The following FYCO1 variants were observed in gnomAD, a reference collection of about 807,000 sequenced individuals.
The protein encoded by FYCO1 is FYVE and coiled-coil domain autophagy adaptor 1.
In FYCO1, 122 loss-of-function variants were observed where a neutral mutation model predicts 165.1. That is an observed-to-expected ratio of 0.74 (90% CI 0.64 to 0.86). The LOEUF (loss-of-function observed/expected upper bound fraction) is 0.86, where lower values mean the gene tolerates loss of function less well. Ranked by LOEUF, FYCO1 falls within the 40% of genes least tolerant of loss-of-function variation. The probability of loss-of-function intolerance (pLI) is 0.00; values close to 1 mark genes in which losing one functional copy is unlikely to be tolerated. For missense variants in FYCO1, 1,702 were observed against 1,810.3 expected (o/e 0.94, Z 1.09); for synonymous variants, 648 against 742.5 (o/e 0.87, Z 2.07).
intron 13 of FYCO1, among the ~76,000 whole-genome samples, chr3:45,957,289 G>A (rs1317330077): frequency 1.3e-5 from 2 of 152,230 alleles, no homozygotes; most frequent in African/African-American, 2.4e-5. Flanking sequence ...AGCTAAAGCT[G>A]TAAAACTTCT....
intron 1 of FYCO1, among the ~76,000 whole-genome samples, chr3:45,987,063 T>C (rs981775630): frequency 2.6e-5 from 4 of 152,180 alleles, no homozygotes; most frequent in African/African-American, 7.2e-5. Flanking sequence ...TGAGAAGATA[T>C]GAACTATGGG....
intron 14 of FYCO1, among the ~76,000 whole-genome samples, chr3:45,943,699 T>C (rs1704386818): frequency 6.6e-6 from 1 of 152,168 alleles, no homozygotes; most frequent in Non-Finnish European, 1.5e-5. Flanking sequence ...TCACTGCCAT[T>C]TGCTGCTGTG....
chr3:45,980,695 C>T (rs777415028), intron 3 of FYCO1, among the ~76,000 whole-genome samples: 5 of 152,152 alleles, frequency 3.3e-5, no homozygotes, highest in Admixed American at 6.5e-5. Context: ...TGGGATGTGA[C>T]GTTGCAAAAT....
intron 3 of FYCO1, among the ~76,000 whole-genome samples, chr3:45,981,190 C>G (rs1332183551): frequency 6.6e-6 from 1 of 152,260 alleles, no homozygotes; most frequent in Non-Finnish European, 1.5e-5. Context: ...TGCAAAAATG[C>G]GTGATTGTGT....
chr3:45,960,418 G>A (rs1575362256), intron 11 of FYCO1, among the ~76,000 whole-genome samples: 1 of 152,134 alleles, frequency 6.6e-6, no homozygotes, highest in Non-Finnish European at 1.5e-5. Context: ...GCTTGAACAT[G>A]GGCTTGGCTG....
chr3:45,943,815 C>T (rs541035859), intron 14 of FYCO1, among the ~76,000 whole-genome samples: 1 of 152,282 alleles, frequency 6.6e-6, no homozygotes, highest in East Asian at 1.9e-4. Context: ...CAGACCCACC[C>T]AGGGAGATAA....
Position 45,967,304 on chromosome 3 carries a change from A to G in FYCO1, c.2030T>C (p.Met677Thr). 4 of 1,613,668 alleles carry G rather than the reference A, an allele frequency of 2.5e-6. No homozygotes were observed. Among genetic ancestry groups the G allele is most frequent in the Non-Finnish European group, 3.4e-6 (4 of 1,179,866 alleles). ...QASIRHLGDQ[M>T]EASLLAVRKA... ...CCTTACAGCCAGCAAGCTCGCCTCC[A>G]TCTGGTCACCCAAGTGCCGGATGCT... The change falls in exon 8 of 18, where the codon ATG becomes ACG. Residue 677 changes from methionine (M) to threonine (T), a missense_variant. By Grantham distance (81) the Met-to-Thr change is moderately conservative. Transcript: ENST00000296137.
rs757978941 is a variant in FYCO1, at chr3:45,968,729, G to A, written c.631-26C>T. 5.0e-6 allele frequency: 8 copies of A among 1,613,984 alleles called. No homozygotes were observed. The Admixed American group carries it at 5.0e-5, about 10-fold the overall frequency. On this transcript the variant is annotated intron_variant, in intron 7 of 17. Coordinates refer to ENST00000296137, the MANE Select transcript of FYCO1 (RefSeq NM_024513.4). Reference sequence around the variant, plus strand: ...CTGGGAGGGAAAACACAAAAGACAAGTGGCTTTAGGATGAAGCTACAGGGC... The same window carrying A: ...CTGGGAGGGAAAACACAAAAGACAAATGGCTTTAGGATGAAGCTACAGGGC...
At position 45,928,170 on chromosome 3, in the gene FYCO1, TG is replaced by T. The variant is rs1422627166; in HGVS notation, c.4251+2900del. Among the ~76,000 whole-genome samples the T allele has an allele frequency of 6.6e-5, 10 of 152,332 alleles. No individual in the cohort carries two copies. In the East Asian group the frequency reaches 1.7e-3, roughly 26 times the overall value. On this transcript the variant is annotated intron_variant, in intron 16 of 17. Transcript: ENST00000296137. ...AGAATCTAAAATTAGACAGTGGTAA[TG>T]GTGGTACAACTCTGTGAATATACTA...
intron 4 of FYCO1, among the ~76,000 whole-genome samples, chr3:45,976,220 T>C (rs1301354225): frequency 6.6e-6 from 1 of 152,150 alleles, no homozygotes; most frequent in Admixed American, 6.5e-5. Context: ...TAAAATCCAA[T>C]TCAGAGGAAG....
chr3:45,927,939 T>C (rs1259219160), intron 16 of FYCO1, among the ~76,000 whole-genome samples: 2 of 152,276 alleles, frequency 1.3e-5, no homozygotes, highest in African/African-American at 4.8e-5. Context: ...CATAGATTAA[T>C]GTGCGTTCTT....
chr3:45,926,640 A>G (rs878885764), intron 16 of FYCO1, among the ~76,000 whole-genome samples: 1 of 152,208 alleles, frequency 6.6e-6, no homozygotes, highest in Non-Finnish European at 1.5e-5. Flanking sequence ...GAACACCACC[A>G]TCAACTAACT....
intron 13 of FYCO1, among the ~76,000 whole-genome samples, chr3:45,958,152 A>T (rs1261994850): frequency 6.6e-6 from 1 of 152,256 alleles, no homozygotes; most frequent in Non-Finnish European, 1.5e-5. Context: ...ATGAATGTGC[A>T]TTAACAGGTA....
chr3:45,929,277 A>C (rs1404984850), intron 16 of FYCO1, among the ~76,000 whole-genome samples: 1 of 152,044 alleles, frequency 6.6e-6, no homozygotes, highest in Non-Finnish European at 1.5e-5. Context: ...GGCCCCCTGG[A>C]AGCTAGAGGA....
intron 3 of FYCO1, among the ~76,000 whole-genome samples, chr3:45,981,235 T>C (rs910236236): frequency 6.6e-6 from 1 of 152,262 alleles, no homozygotes; most frequent in Non-Finnish European, 1.5e-5. Flanking sequence ...GGGAAGACTC[T>C]ATAGCTTTCA....
rs761942980 is a variant in FYCO1, at chr3:45,931,104, C to T, written c.4218G>A (p.Gln1406=). Reference sequence around the variant, plus strand: ...GATCCAGCGGTGTGTCCTCGGCCTCCTGGAAGACCACACTGAAGGAGATGC... The same window carrying T: ...GATCCAGCGGTGTGTCCTCGGCCTCTTGGAAGACCACACTGAAGGAGATGC... ...PKSISFSVVF[Q]EAEDTPLDQC... is the part of the protein sequence containing the mutation. The change falls in exon 16 of 18, where the codon CAG becomes CAA. Residue 1406 remains glutamine (Q), a synonymous_variant. Transcript: ENST00000296137. The T allele has an allele frequency of 9.9e-6, 16 of 1,613,766 alleles. No homozygotes were observed. In the East Asian group the frequency reaches 3.6e-4, roughly 36 times the overall value.
rs538414729 is a variant in FYCO1 at position 45,965,074 on chromosome 3, G to A, written c.3109C>T (p.Arg1037Trp). 30 of 1,614,060 alleles carry A rather than the reference G, an allele frequency of 1.9e-5. No homozygotes were observed. Among genetic ancestry groups the A allele is most frequent in the East Asian group, 2.2e-5 (1 of 44,886 alleles). The change falls in exon 9 of 18, where the codon CGG (arginine) becomes TGG (tryptophan). Residue 1037 changes from arginine to tryptophan, a missense_variant. By Grantham distance (101) the Arg-to-Trp change is moderately radical. Transcript: ENST00000296137. The stretch of plus-strand genomic sequence containing the variant: ...GCTTCCTCAGCAGCCTGCAGCTGCC[G>A]GCCTTGCTCCTCAAGCTGGCCCCTG... ...SLRGQLEEQG[R>W]QLQAAEEAVE...
intron 6 of FYCO1, among the ~76,000 whole-genome samples, chr3:45,972,108 AT>A (rs1706478643): frequency 6.6e-6 from 1 of 152,192 alleles, no homozygotes; most frequent in African/African-American, 2.4e-5. Flanking sequence ...ACTTTGTACT[AT>A]TTTTGCAACT....
chr3:45,991,677 C>CTTACCCACAGACTCCTTCACCG (rs1707568013), intron 1 of FYCO1, among the ~76,000 whole-genome samples: 3 of 152,290 alleles, frequency 2.0e-5, no homozygotes, highest in Admixed American at 1.3e-4. Context: ...CCGAGGAAGC[C>CTTACCCACAGACTCCTTCACCG]TTACCCACAG....
Sources: allele counts gnomAD v4.1 joint callset (sites outside exome capture counted in the v4.1 genomes callset), GRCh38; gene constraint gnomAD v4.1.1; transcripts MANE v1.5; gene names NCBI Gene and HGNC (gene_info 2026-07-23, HGNC 2026-07-21).